The following DCK variants were observed in gnomAD, a reference collection of about 807,000 sequenced individuals.
DCK encodes the protein deoxycytidine kinase.
Under a neutral mutation model 38.3 loss-of-function variants are expected in DCK, and 23 were observed. The observed-to-expected ratio is 0.60, with a 90% confidence interval of 0.43 to 0.85. The LOEUF is 0.85. Among genes scored for constraint, DCK ranks in the 40% least tolerant of loss-of-function variants. DCK has a pLI of 0.00. For missense variants in DCK, 259 were observed against 304.4 expected, an observed-to-expected ratio of 0.85 and a Z score of 1.11; for synonymous variants, 108 against 100.6, an observed-to-expected ratio of 1.07 and a Z score of -0.44.
At chr4:71,020,698 T>C (rs1477872193) in intron 2 of DCK, among the ~76,000 whole-genome samples, 2 of 152,180 alleles carry the variant, frequency 1.3e-5, no homozygotes, top group Non-Finnish European at 2.9e-5. Context: ...ACTAGAGTTT[T>C]GTTTGTTTGT....
At chr4:71,020,703 G>A (rs1740393391) in intron 2 of DCK, among the ~76,000 whole-genome samples, 1 of 151,970 alleles carries the variant, frequency 6.6e-6, no homozygotes, top group Non-Finnish European at 1.5e-5. Context: ...AGTTTTGTTT[G>A]TTTGTTTAGA....
chr4:71,020,039 C>T (rs539290595), intron 2 of DCK, among the ~76,000 whole-genome samples: 8 of 152,224 alleles, frequency 5.3e-5, no homozygotes, highest in African/African-American at 1.4e-4. Flanking sequence ...CTGCCTGCCT[C>T]GGCCTCCCAA....
At chr4:71,005,030 G>GA (rs1269936149) in intron 2 of DCK, among the ~76,000 whole-genome samples, 1 of 151,866 alleles carries the variant, frequency 6.6e-6, no homozygotes, top group South Asian at 2.1e-4. Context: ...ACTGGGGTAT[G>GA]AAAAAAAACT....
chr4:71,008,864 G>A (rs563903711), intron 2 of DCK, among the ~76,000 whole-genome samples: 4 of 152,232 alleles, frequency 2.6e-5, no homozygotes, highest in East Asian at 1.9e-4. Flanking sequence ...TATTTGGTTC[G>A]TAATTCTCAA....
chr4:71,010,979 C>T (rs982515141), intron 2 of DCK, among the ~76,000 whole-genome samples: 4 of 149,032 alleles, frequency 2.7e-5, no homozygotes, highest in Admixed American at 6.7e-5. Flanking sequence ...TTCTGTCGCT[C>T]AGGCTGAAGT....
rs1378300937 is a variant in DCK, at chr4:71,013,176, GAATGA to G, written c.208-9184_208-9180del. ...GGGTATCAGTGATTGAAGATCAAAT[GAATGA>G]AATGAAGTGAGAAGAGAAGTTTAGA... is the stretch of plus-strand genomic sequence containing the variant. On this transcript the variant is annotated intron_variant, in intron 2 of 6. Transcript: ENST00000286648. 6.6e-5 allele frequency among the ~76,000 whole-genome samples: 10 copies of G among 151,020 alleles called. 1 individual carries two copies. The highest frequency in any genetic ancestry group is 1.3e-4 in the Admixed American group (2 of 15,244).
At chr4:71,012,656 G>C (rs1400694822) in intron 2 of DCK, among the ~76,000 whole-genome samples, 2 of 151,758 alleles carry the variant, frequency 1.3e-5, no homozygotes, top group Admixed American at 1.3e-4. Flanking sequence ...AGGCAAACAG[G>C]GTCTGGAGTG....
intron 1 of DCK, among the ~76,000 whole-genome samples, chr4:70,996,286 C>T (rs1375270983): frequency 6.6e-6 from 1 of 151,786 alleles, no homozygotes; most frequent in Non-Finnish European, 1.5e-5. Context: ...ATCTTTGAGA[C>T]CTATAGTTTG....
At chr4:71,021,768 C>T (rs952335419) in intron 2 of DCK, among the ~76,000 whole-genome samples, 7 of 151,984 alleles carry the variant, frequency 4.6e-5, no homozygotes, top group East Asian at 1.9e-4. Flanking sequence ...TTTGGGAGGC[C>T]AAGGCAGGCA....
chr4:71,022,892 T>C (rs1046669802), intron 3 of DCK, among the ~76,000 whole-genome samples: 2 of 152,160 alleles, frequency 1.3e-5, no homozygotes, highest in Non-Finnish European at 2.9e-5. Context: ...GACTCTTACC[T>C]GGATCAAGAA....
intron 1 of DCK, among the ~76,000 whole-genome samples, chr4:70,996,570 A>C (rs1739666254): frequency 6.6e-6 from 1 of 152,122 alleles, no homozygotes; most frequent in Admixed American, 6.5e-5. Context: ...GTTACTGTTC[A>C]TTATTGGTCT....
At chr4:71,000,224 T>C (rs1012421919) in intron 2 of DCK, among the ~76,000 whole-genome samples, 1 of 152,236 alleles carries the variant, frequency 6.6e-6, no homozygotes, top group Admixed American at 6.5e-5. Context: ...GGGTCCAGTT[T>C]CCGTTTTCTG....
At chr4:71,006,547 C>A (rs1739947326) in intron 2 of DCK, among the ~76,000 whole-genome samples, 1 of 151,980 alleles carries the variant, frequency 6.6e-6, no homozygotes, top group East Asian at 1.9e-4. Context: ...ATAGGCAGAG[C>A]AGCCAATCCC....
chr4:71,011,749 G>C (rs1740095896), intron 2 of DCK, among the ~76,000 whole-genome samples: 1 of 152,172 alleles, frequency 6.6e-6, no homozygotes, highest in Admixed American at 6.5e-5. Flanking sequence ...ACAAAGATTA[G>C]ACCTAGAATT....
chr4:71,007,195 T>C (rs893112906), intron 2 of DCK, among the ~76,000 whole-genome samples: 1 of 152,210 alleles, frequency 6.6e-6, no homozygotes, highest in African/African-American at 2.4e-5. Context: ...TCTTAAGAAA[T>C]TGATGTTTTA....
intron 1 of DCK, among the ~76,000 whole-genome samples, 178 bp from the exon 2 acceptor site, chr4:70,997,889 T>C (rs1739695416): frequency 6.6e-6 from 1 of 152,238 alleles, no homozygotes; most frequent in African/African-American, 2.4e-5. Context: ...CTTAATGAAA[T>C]TGGGCAGGGA....
intron 2 of DCK, among the ~76,000 whole-genome samples, chr4:71,007,770 C>T (rs371037059): frequency 3.9e-5 from 6 of 152,310 alleles, no homozygotes; most frequent in East Asian, 3.9e-4. Flanking sequence ...AGGTAAAGTG[C>T]AGTGGCGCAG....
At position 71,030,180 on chromosome 4, in the gene DCK, G is replaced by C. The variant is rs1740651655; in HGVS notation, c.*802G>C. The stretch of plus-strand genomic sequence containing the variant: ...ATAGGAAATAAAATTAATGAAGACA[G>C]AGGCTAGAAAGCATCCATTAATTAA... On this transcript the variant is annotated 3_prime_UTR_variant, in exon 7 of 7. Coordinates refer to ENST00000286648, the MANE Select transcript of DCK (RefSeq NM_000788.3). 6.6e-6 allele frequency: 1 copy of C among 152,590 alleles called. No individual in the cohort carries two copies. Among genetic ancestry groups the C allele is most frequent in the African/African-American group, 2.4e-5 (1 of 41,436 alleles). The allele number at this position is 152,590 out of a possible 1,614,324, so 9.5% of individuals were successfully genotyped here.
Position 71,030,815 on chromosome 4 carries a change from T to G in DCK, c.*1437T>G, listed in dbSNP as rs1740674206. 3 of 152,274 alleles carry G rather than the reference T, an allele frequency of 2.0e-5. No homozygotes were observed. In the South Asian group the frequency reaches 6.2e-4, roughly 32 times the overall value. The allele number at this position is 152,274 out of a possible 1,614,324, so 9.4% of individuals were successfully genotyped here. ...CATTTTAAGTGGAGACATATTTCAG[T>G]GATTTTTAGTAACCTTTAAAAATGT... is the stretch of plus-strand genomic sequence containing the variant. On this transcript the variant is annotated 3_prime_UTR_variant, in exon 7 of 7. Coordinates refer to ENST00000286648, the MANE Select transcript of DCK (RefSeq NM_000788.3).
Sources: allele counts gnomAD v4.1 joint callset (sites outside exome capture counted in the v4.1 genomes callset), GRCh38; gene constraint gnomAD v4.1.1; transcripts MANE v1.5; gene names NCBI Gene and HGNC (gene_info 2026-07-23, HGNC 2026-07-21).